MICU1: variants seen among roughly 807,000 people sequenced by gnomAD.
MICU1 encodes calcium uptake protein 1, mitochondrial.
Under a neutral mutation model 56.8 loss-of-function variants are expected in MICU1, and 45 were observed. The ratio of observed to expected loss-of-function variants is 0.79; its 90% confidence interval spans 0.62 to 1.02. The LOEUF is 1.02. Ranked by LOEUF, MICU1 falls within the 50% of genes least tolerant of loss-of-function variation. The probability of loss-of-function intolerance (pLI) is 0.00; values close to 1 mark genes in which losing one functional copy is unlikely to be tolerated. For synonymous variants in MICU1, 186 were observed against 195.1 expected, an observed-to-expected ratio of 0.95 and a Z score of 0.39; for missense variants, 504 against 587.1, an observed-to-expected ratio of 0.86 and a Z score of 1.46.
At chr10:72,471,972 T>G (rs1005906901) in intron 8 of MICU1, among the ~76,000 whole-genome samples, 4 of 151,982 alleles carry the variant, frequency 2.6e-5, no homozygotes, top group African/African-American at 9.7e-5. Flanking sequence ...ATCTAGTATA[T>G]TTTACATATA....
chr10:72,487,819 CA>C (rs1866523837), intron 6 of MICU1, among the ~76,000 whole-genome samples: 1 of 152,172 alleles, frequency 6.6e-6, no homozygotes, highest in South Asian at 2.1e-4. Flanking sequence ...GTCCACTTTA[CA>C]GTCCTGATCT....
chr10:72,477,585 T>A, intron 6 of MICU1: 1 of 1,519,370 alleles, frequency 6.6e-7, no homozygotes, highest in Non-Finnish European at 8.8e-7. Flanking sequence ...TTCTGTTGCT[T>A]CAATATGGTA....
chr10:72,497,399 C>T (rs1866882629), intron 6 of MICU1, among the ~76,000 whole-genome samples: 1 of 152,094 alleles, frequency 6.6e-6, no homozygotes, highest in African/African-American at 2.4e-5. Context: ...GCAGGTTAAG[C>T]AACACCATGA....
chr10:72,519,362 A>G (rs1589301896), intron 5 of MICU1, among the ~76,000 whole-genome samples: 1 of 152,236 alleles, frequency 6.6e-6, no homozygotes, highest in East Asian at 1.9e-4. Flanking sequence ...GTAAAGGCAA[A>G]TGGACATTAT....
At chr10:72,403,205 T>A (rs1863514672) in intron 10 of MICU1, among the ~76,000 whole-genome samples, 1 of 151,090 alleles carries the variant, frequency 6.6e-6, no homozygotes, top group Non-Finnish European at 1.5e-5. Context: ...GTGACCCGGG[T>A]CACCATTAGC....
chr10:72,564,298 C>A (rs1040131325), intron 2 of MICU1, among the ~76,000 whole-genome samples: 1 of 152,008 alleles, frequency 6.6e-6, no homozygotes. Context: ...CCCAGCACTT[C>A]GGGAGGCCGA....
chr10:72,605,783 G>T (rs1447471322), intron 1 of MICU1, among the ~76,000 whole-genome samples: 1 of 152,168 alleles, frequency 6.6e-6, no homozygotes, highest in South Asian at 2.1e-4. Flanking sequence ...ATCCGAGGGG[G>T]TCCTGGAACC....
intron 8 of MICU1, among the ~76,000 whole-genome samples, chr10:72,456,040 T>C (rs1865448200): frequency 6.6e-6 from 1 of 152,104 alleles, no homozygotes; most frequent in African/African-American, 2.4e-5. Context: ...GGGAATGAGG[T>C]TGCAACTCTC....
chr10:72,494,772 T>G (rs1242061902), intron 6 of MICU1, among the ~76,000 whole-genome samples: 1 of 151,996 alleles, frequency 6.6e-6, no homozygotes. Flanking sequence ...TATACAGGCA[T>G]TTATTCCTTC....
At chr10:72,383,847 A>T (rs1564838641) in intron 10 of MICU1, among the ~76,000 whole-genome samples, 1 of 151,720 alleles carries the variant, frequency 6.6e-6, no homozygotes, top group African/African-American at 2.4e-5. Flanking sequence ...TGCTCAGGCT[A>T]GAGTGCTGTG....
At chr10:72,569,922 A>G (rs1840565360) in intron 1 of MICU1, among the ~76,000 whole-genome samples, 1 of 152,056 alleles carries the variant, frequency 6.6e-6, no homozygotes, top group African/African-American at 2.4e-5. Flanking sequence ...ATTTTTCTCA[A>G]AGCACAGTTC....
At chr10:72,565,345 T>C (rs1644962620) in intron 2 of MICU1, among the ~76,000 whole-genome samples, 1 of 151,790 alleles carries the variant, frequency 6.6e-6, no homozygotes, top group African/African-American at 2.4e-5. Flanking sequence ...TGTAGGGACA[T>C]GGATGAAGCT....
chr10:72,383,909 G>A (rs904211936), intron 10 of MICU1, among the ~76,000 whole-genome samples: 69 of 151,838 alleles, frequency 4.5e-4, no homozygotes, highest in African/African-American at 1.5e-3. Context: ...TGATTCTCCC[G>A]CCTCAGCCTC....
At chr10:72,458,027 C>T (rs1043153053) in intron 8 of MICU1, among the ~76,000 whole-genome samples, 3 of 151,724 alleles carry the variant, frequency 2.0e-5, no homozygotes, top group Non-Finnish European at 2.9e-5. Flanking sequence ...ATTAGCCACG[C>T]GTGGTGGCAC....
intron 5 of MICU1, among the ~76,000 whole-genome samples, chr10:72,509,797 G>A (rs926561620): frequency 1.3e-5 from 2 of 152,114 alleles, no homozygotes; most frequent in African/African-American, 2.4e-5. Flanking sequence ...CCAAGAGACT[G>A]AACAGAAATT....
At chr10:72,539,515 A>T (rs920846886) in intron 4 of MICU1, among the ~76,000 whole-genome samples, 10 of 152,344 alleles carry the variant, frequency 6.6e-5, no homozygotes, top group African/African-American at 2.4e-4. Flanking sequence ...ATTAAAAAGA[A>T]AATTTTAAAC....
intron 8 of MICU1, among the ~76,000 whole-genome samples, chr10:72,461,937 T>C (rs559901495): frequency 6.6e-6 from 1 of 151,950 alleles, no homozygotes; most frequent in East Asian, 1.9e-4. Context: ...GCAACAAGAG[T>C]GAAACACTCC....
chr10:72,376,367 T>C (rs1260162142), intron 10 of MICU1, among the ~76,000 whole-genome samples: 1 of 151,988 alleles, frequency 6.6e-6, no homozygotes, highest in Non-Finnish European at 1.5e-5. Context: ...TGCTACAGTT[T>C]AGGAGGTATA....
At chr10:72,590,629 T>C (rs1841196579) in intron 1 of MICU1, among the ~76,000 whole-genome samples, 1 of 151,832 alleles carries the variant, frequency 6.6e-6, no homozygotes, top group Non-Finnish European at 1.5e-5. Context: ...CTGGCCAGTG[T>C]GGTGAAACCC....
Sources: gnomAD v4.1 joint callset for allele counts (sites outside exome capture counted in the v4.1 genomes callset) on GRCh38, gnomAD v4.1.1 for gene constraint, MANE v1.5 for transcripts, NCBI Gene and HGNC (gene_info 2026-07-23, HGNC 2026-07-21) for gene names.